DNAH6: variants seen among roughly 807,000 people sequenced by gnomAD.
The protein encoded by DNAH6 is dynein axonemal heavy chain 6, also known as axonemal beta dynein heavy chain 6.
A neutral mutation model predicts 491.4 loss-of-function variants in DNAH6; 340 were observed. The ratio of observed to expected loss-of-function variants is 0.69; its 90% CI spans 0.63 to 0.76. The LOEUF is 0.76. Ranked by LOEUF, DNAH6 falls within the 30% of genes least tolerant of loss-of-function variation. DNAH6 has a pLI of 0.00. For synonymous variants in DNAH6, 1,603 were observed against 1,686.1 expected, an observed-to-expected ratio of 0.95 and a Z score of 1.21; for missense variants, 4,443 against 4,972.2, an observed-to-expected ratio of 0.89 and a Z score of 3.20.
the DNAH6 span, among the ~76,000 whole-genome samples, chr2:84,462,670 C>A: frequency 3.9e-5 from 6 of 152,186 alleles, no homozygotes; most frequent in Admixed American, 3.3e-4. Flanking sequence ...CAGGATAAAT[C>A]CCTATAGAAC....
chr2:84,593,828 G>A (rs1386304488), intron 16 of DNAH6, 144 bp from the exon 17 acceptor site: 1 of 355,470 alleles, frequency 2.8e-6, no homozygotes, highest in African/African-American at 2.2e-5. Context: ...TTCTTCATCT[G>A]TTTCTAGTGC....
the DNAH6 span, among the ~76,000 whole-genome samples, chr2:84,465,300 C>T: frequency 6.6e-6 from 1 of 152,084 alleles, no homozygotes; most frequent in Non-Finnish European, 1.5e-5. Flanking sequence ...TCGAGACCAT[C>T]CTGGCTAACA....
chr2:84,596,427 G>A (rs1372470313), intron 18 of DNAH6, among the ~76,000 whole-genome samples: 1 of 151,938 alleles, frequency 6.6e-6, no homozygotes, highest in African/African-American at 2.4e-5. Context: ...GGGTTCAAGC[G>A]ATTCTCCTGC....
intron 24 of DNAH6, 39 bp from the exon 25 acceptor site, chr2:84,621,152 C>T: frequency 3.9e-6 from 6 of 1,546,484 alleles, no homozygotes; most frequent in Non-Finnish European, 5.2e-6. Flanking sequence ...TTACAAGTCC[C>T]ACACAAGCCA....
chr2:84,478,346 C>T, the DNAH6 span, among the ~76,000 whole-genome samples: 7 of 152,186 alleles, frequency 4.6e-5, no homozygotes, highest in African/African-American at 1.7e-4. Flanking sequence ...AGATTCTTTC[C>T]TTCTCCTCTG....
chr2:84,553,383 TTCTTTCTTTCTTTCTTTC>T (rs1558703102), intron 10 of DNAH6, among the ~76,000 whole-genome samples: 102 of 132,592 alleles, frequency 7.7e-4, no homozygotes, highest in African/African-American at 3.0e-3. Flanking sequence ...CTTTCTTTCT[TTCTTTCTTTCTTTCTTTC>T]TTTCTTTCTT....
At chr2:84,584,349 T>G in intron 15 of DNAH6, 99 bp downstream of exon 15, 1 of 1,174,632 alleles carries the variant, frequency 8.5e-7, no homozygotes, top group Non-Finnish European at 1.2e-6. Flanking sequence ...TGTATATATT[T>G]ACAATATATA....
chr2:84,682,156 A>G (rs1693845370), intron 42 of DNAH6, among the ~76,000 whole-genome samples: 1 of 152,148 alleles, frequency 6.6e-6, no homozygotes, highest in Non-Finnish European at 1.5e-5. Context: ...CAAAGTTGTG[A>G]TACCCAACAC....
chr2:84,554,209 T>G (rs933891478), intron 10 of DNAH6, among the ~76,000 whole-genome samples: 1 of 152,236 alleles, frequency 6.6e-6, no homozygotes, highest in African/African-American at 2.4e-5. Flanking sequence ...TTCAGTCACA[T>G]CTATCAAGGA....
intron 62 of DNAH6, among the ~76,000 whole-genome samples, chr2:84,742,864 G>A (rs981845019): frequency 2.6e-5 from 4 of 152,002 alleles, no homozygotes; most frequent in Admixed American, 6.6e-5. Flanking sequence ...TAAGTGTGGT[G>A]GTTTAAAGTC....
chr2:84,631,708 G>T (rs1688418596), intron 29 of DNAH6, among the ~76,000 whole-genome samples: 1 of 152,072 alleles, frequency 6.6e-6, no homozygotes, highest in Admixed American at 6.5e-5. Flanking sequence ...CTACCAAGAG[G>T]CAAGAAAGAA....
intron 76 of DNAH6, among the ~76,000 whole-genome samples, chr2:84,816,821 C>T (rs919089650): frequency 1.3e-5 from 2 of 152,088 alleles, no homozygotes; most frequent in Admixed American, 6.6e-5. Context: ...AGAAACCAGA[C>T]AGAAAGAAAG....
At chr2:84,656,553 A>G (rs1690988855) in intron 35 of DNAH6, among the ~76,000 whole-genome samples, 1 of 151,958 alleles carries the variant, frequency 6.6e-6, no homozygotes, top group South Asian at 2.1e-4. Context: ...GCATCTTTTC[A>G]TATGTTTGTT....
intron 39 of DNAH6, among the ~76,000 whole-genome samples, chr2:84,671,093 C>G (rs1308501014): frequency 6.6e-6 from 1 of 152,120 alleles, no homozygotes; most frequent in Admixed American, 6.5e-5. Flanking sequence ...TCCCCACCCT[C>G]CCTGTAGGAG....
At chr2:84,552,158 G>A (rs369682707) in intron 9 of DNAH6, among the ~76,000 whole-genome samples, 110 of 151,980 alleles carry the variant, frequency 7.2e-4, no homozygotes, top group African/African-American at 2.5e-3. Flanking sequence ...GTATATCACT[G>A]CTTTCAAATG....
chr2:84,613,530 A>C (rs1686535326), intron 22 of DNAH6, among the ~76,000 whole-genome samples: 1 of 152,228 alleles, frequency 6.6e-6, no homozygotes, highest in South Asian at 2.1e-4. Flanking sequence ...CAAAACTACA[A>C]AGATAATCAA....
chr2:84,473,465 A>G, the DNAH6 span, among the ~76,000 whole-genome samples: 1 of 152,190 alleles, frequency 6.6e-6, no homozygotes, highest in East Asian at 1.9e-4. Context: ...GAAAAACTAA[A>G]AACTGTAATG....
intron 17 of DNAH6, among the ~76,000 whole-genome samples, chr2:84,595,230 C>A (rs79876468): frequency 0.028 from 4,310 of 151,994 alleles, 221 homozygotes; most frequent in African/African-American, 0.098. Flanking sequence ...TTGAGAAAAA[C>A]AATTATAGAT....
chr2:84,564,603 G>A (rs925824096), intron 11 of DNAH6, among the ~76,000 whole-genome samples: 7 of 152,042 alleles, frequency 4.6e-5, no homozygotes, highest in Non-Finnish European at 8.8e-5. Context: ...GTCTTTAGGG[G>A]TTTTTAGGTA....
Sources: allele counts gnomAD v4.1 joint callset (sites outside exome capture counted in the v4.1 genomes callset), GRCh38; gene constraint gnomAD v4.1.1; transcripts MANE v1.5; gene names NCBI Gene and HGNC (gene_info 2026-07-23, HGNC 2026-07-21).